SMARCD1: variants seen among roughly 807,000 people sequenced by gnomAD.
The protein encoded by SMARCD1 is SWI/SNF-related matrix-associated actin-dependent regulator of chromatin subfamily D member 1.
Under a neutral mutation model 70.8 loss-of-function variants are expected in SMARCD1, and 16 were observed. The observed-to-expected ratio is 0.23, with a 90% CI of 0.15 to 0.34. The LOEUF (loss-of-function observed/expected upper bound fraction) is 0.34, where lower values mean the gene tolerates loss of function less well. Ranked by LOEUF, SMARCD1 falls within the 10% of genes least tolerant of loss-of-function variation. SMARCD1 has a pLI of 1.00. For missense variants in SMARCD1, 409 were observed against 655.5 expected, an observed-to-expected ratio of 0.62 and a Z score of 4.11; for synonymous variants, 249 against 246.0, an observed-to-expected ratio of 1.01 and a Z score of -0.11.
chr12:50,086,258 C>A lies in SMARCD1; in HGVS notation c.275C>A (p.Ala92Asp). The change falls in exon 2 of 13, where the codon GCC (alanine) becomes GAC (aspartate). Residue 92 changes from alanine (A) to aspartate (D), a missense_variant. By Grantham distance (126) the Ala-to-Asp change is moderately radical. Coordinates refer to ENST00000394963, the MANE Select transcript of SMARCD1 (RefSeq NM_003076.5). ...GGNPSVRPGL[A>D]QSGMDQSRKR... ...AACCCTTCAGTCCGACCTGGCCTGGCCCAGTCAGGGATGGATCAGTCCCGC... is the reference window on the plus strand; with the variant it reads ...AACCCTTCAGTCCGACCTGGCCTGGACCAGTCAGGGATGGATCAGTCCCGC... 1 of 1,613,616 alleles carries A rather than the reference C, an allele frequency of 6.2e-7. No individual in the cohort carries two copies. The highest frequency in any genetic ancestry group is 8.5e-7 in the Non-Finnish European group (1 of 1,179,642).
At chr12:50,087,747 T>C (rs936609932) in intron 5 of SMARCD1, among the ~76,000 whole-genome samples, 4 of 152,182 alleles carry the variant, frequency 2.6e-5, no homozygotes, top group Admixed American at 6.5e-5. Context: ...CTGCTGGCCA[T>C]TGGATTTAGC....
At chr12:50,096,132 TAAG>T (rs1192322251) in intron 10 of SMARCD1, among the ~76,000 whole-genome samples, 2 of 152,080 alleles carry the variant, frequency 1.3e-5, no homozygotes, top group Admixed American at 6.5e-5. Flanking sequence ...AGGGTGGAGA[TAAG>T]TAGATAGATT....
rs758589184 is a variant in SMARCD1 at position 50,088,305 on chromosome 12, C to G, written c.655-216C>G. 7.1e-6 allele frequency: 5 copies of G among 703,184 alleles called. No individual in the cohort carries two copies. In the Admixed American group the frequency reaches 8.0e-5, roughly 11 times the overall value. 43.6% of individuals were successfully genotyped at this position (703,184 alleles called of 1,614,324 possible). On this transcript the variant is annotated intron_variant, in intron 5 of 12. Transcript: ENST00000394963. Reference sequence around the variant, plus strand: ...AAATGAGATGGGTAAAACAGTGACCCTCTATGTGTTCTAGGCTGCTTCTTC... The same window carrying G: ...AAATGAGATGGGTAAAACAGTGACCGTCTATGTGTTCTAGGCTGCTTCTTC...
At chr12:50,090,168 G>A (rs576706519) in intron 7 of SMARCD1, 73 bp from the exon 8 acceptor site, 1 of 1,455,530 alleles carries the variant, frequency 6.9e-7, no homozygotes, top group African/African-American at 1.4e-5. Flanking sequence ...ATTATTTGTT[G>A]AATAGCTTGA....
At chr12:50,086,579 C>T in intron 2 of SMARCD1, 42 bp from the exon 3 acceptor site, 13 of 1,594,320 alleles carry the variant, frequency 8.2e-6, no homozygotes, top group Non-Finnish European at 1.1e-5. Flanking sequence ...CACGTTCTGA[C>T]TAGTTCTGTC....
intron 9 of SMARCD1, among the ~76,000 whole-genome samples, chr12:50,092,117 A>G (rs1472565444): frequency 6.6e-6 from 1 of 152,068 alleles, no homozygotes; most frequent in Admixed American, 6.6e-5. Context: ...TAGGGGGTGA[A>G]GAAAATTTCC....
chr12:50,090,211 C>T (rs779275691), intron 7 of SMARCD1, 30 bp from the exon 8 acceptor site: 19 of 1,585,326 alleles, frequency 1.2e-5, no homozygotes, highest in Admixed American at 3.6e-5. Context: ...AGCTAACTAG[C>T]TTCATCCCCT....
intron 9 of SMARCD1, among the ~76,000 whole-genome samples, chr12:50,091,686 C>A (rs1388129557): frequency 6.6e-6 from 1 of 152,150 alleles, no homozygotes; most frequent in Non-Finnish European, 1.5e-5. Flanking sequence ...AAGCAATTCT[C>A]CCTCCCCAGC....
intron 10 of SMARCD1, among the ~76,000 whole-genome samples, chr12:50,095,287 A>G (rs1401607384): frequency 6.6e-6 from 1 of 152,146 alleles, no homozygotes; most frequent in Non-Finnish European, 1.5e-5. Flanking sequence ...ATGAAGGAGA[A>G]AGGGAGGCTT....
At chr12:50,094,958 C>T (rs1048121671) in intron 10 of SMARCD1, among the ~76,000 whole-genome samples, 3 of 152,110 alleles carry the variant, frequency 2.0e-5, no homozygotes, top group African/African-American at 4.8e-5. Context: ...CCATCACACC[C>T]GGCTGATTTT....
In SMARCD1 at chr12:50,086,153, C is replaced by T. The variant is rs758000923; in HGVS notation, c.178-8C>T. The T allele has an allele frequency of 3.5e-5, 53 of 1,532,720 alleles. No individual in the cohort carries two copies. The South Asian group carries it at 6.0e-4, about 17-fold the overall frequency. 94.9% of individuals were successfully genotyped at this position (1,532,720 alleles called of 1,614,324 possible). On this transcript the variant is annotated splice_polypyrimidine_tract_variant and splice_region_variant and intron_variant, in intron 1 of 12. Coordinates refer to ENST00000394963, the MANE Select transcript of SMARCD1 (RefSeq NM_003076.5). ...CCATGACATCTCTGGGTCCTCTCCC[C>T]TCTGTAGAGACCAGGTATGTTGCCA... is the stretch of plus-strand genomic sequence containing the variant.
At chr12:50,092,235 C>CTTTTTTTTTTTTTTTTTTTTTT (rs60619880) in intron 9 of SMARCD1, among the ~76,000 whole-genome samples, 5 of 91,156 alleles carry the variant, frequency 5.5e-5, no homozygotes, top group Admixed American at 1.5e-4. Context: ...TTCTTTCTTT[C>CTTTTTTTTTTTTTTTTTTTTTT]TTTTTTTTTT....
intron 10 of SMARCD1, among the ~76,000 whole-genome samples, chr12:50,096,378 T>C (rs555643550): frequency 6.6e-6 from 1 of 152,316 alleles, no homozygotes; most frequent in East Asian, 1.9e-4. Flanking sequence ...AGATAGACTC[T>C]GGGCTGCAGA....
At chr12:50,086,550 C>T (rs1950792962) in intron 2 of SMARCD1, 71 bp from the exon 3 acceptor site, 13 of 1,468,858 alleles carry the variant, frequency 8.9e-6, no homozygotes, top group African/African-American at 1.4e-5. Flanking sequence ...TATAAATGGA[C>T]GTGCTGACAG....
chr12:50,093,861 C>A (rs1019918826), intron 9 of SMARCD1, among the ~76,000 whole-genome samples: 3 of 152,066 alleles, frequency 2.0e-5, no homozygotes, highest in Non-Finnish European at 4.4e-5. Context: ...CTCACTATAT[C>A]CTCTGCCTCC....
In SMARCD1 at chr12:50,100,377, T is replaced by G. The variant is rs1395229751; in HGVS notation, c.*1377T>G. 1.3e-5 allele frequency: 2 copies of G among 150,178 alleles called. No individual in the cohort carries two copies. Among genetic ancestry groups the G allele is most frequent in the East Asian group, 2.0e-4 (1 of 5,072 alleles). 9.3% of individuals were successfully genotyped at this position (150,178 alleles called of 1,614,324 possible). A position where few individuals can be genotyped will look rare whatever the true frequency, so the allele number is the denominator to read the frequency against. On this transcript the variant is annotated 3_prime_UTR_variant, in exon 13 of 13. Transcript: ENST00000394963. ...CCCCCACCCCCAAATCCCTCCCTGTTCTACACTGGGGACAGCAGAATTTTC... is the reference window on the plus strand; with the variant it reads ...CCCCCACCCCCAAATCCCTCCCTGTGCTACACTGGGGACAGCAGAATTTTC...
chr12:50,099,722 G>T lies in SMARCD1; in HGVS notation c.*722G>T, dbSNP rs1481756977. 5.9e-6 allele frequency: 1 copy of T among 169,904 alleles called. No individual in the cohort carries two copies. The highest frequency in any genetic ancestry group is 2.0e-4 in the South Asian group (1 of 4,950). The allele number at this position is 169,904 out of a possible 1,614,324, so 10.5% of individuals were successfully genotyped here. A position where few individuals can be genotyped will look rare whatever the true frequency, so the allele number is the denominator to read the frequency against. Reference sequence around the variant, plus strand: ...TTCCCTCAGATCTGCCCTAATCCCGGGCATTTGGGTGGGGGAATCTTGCCT... The same window carrying T: ...TTCCCTCAGATCTGCCCTAATCCCGTGCATTTGGGTGGGGGAATCTTGCCT... On this transcript the variant is annotated 3_prime_UTR_variant, in exon 13 of 13. Coordinates refer to ENST00000394963, the MANE Select transcript of SMARCD1 (RefSeq NM_003076.5).
Position 50,100,534 on chromosome 12 carries a change from C to G in SMARCD1, c.*1534C>G. On this transcript the variant is annotated 3_prime_UTR_variant, in exon 13 of 13. Coordinates refer to ENST00000394963, the MANE Select transcript of SMARCD1 (RefSeq NM_003076.5). ...AAGCTCAGTACTTCCCACAGTGTCC[C>G]TGTTGATAACTGTTTTTATTAACTG... 1 of 152,668 alleles carries G rather than the reference C, an allele frequency of 6.6e-6. No homozygotes were observed. Among genetic ancestry groups the G allele is most frequent in the African/African-American group, 2.4e-5 (1 of 41,464 alleles). The allele number at this position is 152,668 out of a possible 1,614,324, so 9.5% of individuals were successfully genotyped here. A position where few individuals can be genotyped will look rare whatever the true frequency, so the allele number is the denominator to read the frequency against.
At chr12:50,088,213 T>A in intron 5 of SMARCD1, 1 of 697,596 alleles carries the variant, frequency 1.4e-6, no homozygotes, top group South Asian at 1.5e-5. Context: ...AGAGTCAGAC[T>A]TTTCTCTGTT....
Sources: gnomAD v4.1 joint callset for allele counts (sites outside exome capture counted in the v4.1 genomes callset) on GRCh38, gnomAD v4.1.1 for gene constraint, MANE v1.5 for transcripts, NCBI Gene and HGNC (gene_info 2026-07-23, HGNC 2026-07-21) for gene names.